Variants in RALY observed in about 807,000 individuals in gnomAD.
RALY encodes the protein RNA-binding protein Raly.
RALY carries 15 observed loss-of-function variants against 30.7 expected under a neutral mutation model. The ratio of observed to expected loss-of-function variants is 0.49; its 90% CI spans 0.33 to 0.75. RALY has a LOEUF of 0.75. Ranked by LOEUF, RALY falls within the 30% of genes least tolerant of loss-of-function variation. The probability of loss-of-function intolerance (pLI) is 0.02; values close to 1 mark genes in which losing one functional copy is unlikely to be tolerated. For synonymous variants in RALY, 177 were observed against 170.8 expected (o/e 1.04, Z -0.28); for missense variants, 339 against 414.3 (o/e 0.82, Z 1.58).
At chr20:34,040,074 G>A (rs1197711672) in intron 2 of RALY, among the ~76,000 whole-genome samples, 1 of 151,586 alleles carries the variant, frequency 6.6e-6, no homozygotes, top group Non-Finnish European at 1.5e-5. Flanking sequence ...TCCCACCACT[G>A]CACTCCAGCC....
chr20:34,004,593 CCT>C (rs1278573354), intron 1 of RALY, among the ~76,000 whole-genome samples: 1 of 152,142 alleles, frequency 6.6e-6, no homozygotes, highest in South Asian at 2.1e-4. Flanking sequence ...ATGGGTGATA[CCT>C]TCTCATAGCC....
chr20:34,076,783 A>T lies in RALY; in HGVS notation c.626A>T (p.Glu209Val). 6.2e-7 allele frequency: 1 copy of T among 1,614,144 alleles called. No homozygotes were observed. The highest frequency in any genetic ancestry group is 8.5e-7 in the Non-Finnish European group (1 of 1,180,030). ...ATCGATGCCCTGCTGAGCCGCTTGGAGCAGATCGCTGCGGAGCAAAAGGCC... is the reference window on the plus strand; with the variant it reads ...ATCGATGCCCTGCTGAGCCGCTTGGTGCAGATCGCTGCGGAGCAAAAGGCC... ...SNIDALLSRL[E>V]QIAAEQKANP... Residue 209 changes from glutamate to valine, a missense_variant, in exon 7 of 10, where the codon GAG becomes GTG. Transcript: ENST00000246194.
At chr20:34,016,241 T>G (rs1391370858) in intron 1 of RALY, among the ~76,000 whole-genome samples, 1 of 152,232 alleles carries the variant, frequency 6.6e-6, no homozygotes, top group Non-Finnish European at 1.5e-5. Context: ...TCAGACTAGT[T>G]TTGAAAGGAA....
chr20:33,994,594 G>C (rs2030505957), intron 1 of RALY, among the ~76,000 whole-genome samples: 1 of 152,244 alleles, frequency 6.6e-6, no homozygotes. Flanking sequence ...CCGGAGGCGC[G>C]CAGAGCTTGT....
intron 2 of RALY, among the ~76,000 whole-genome samples, chr20:34,069,223 C>G (rs890762419): frequency 6.6e-6 from 1 of 152,276 alleles, no homozygotes; most frequent in African/African-American, 2.4e-5. Flanking sequence ...TAAAGAGGTG[C>G]AAGCCAGTGT....
intron 1 of RALY, among the ~76,000 whole-genome samples, chr20:34,007,617 C>T (rs928255264): frequency 2.6e-5 from 4 of 151,074 alleles, no homozygotes; most frequent in African/African-American, 2.4e-5. Flanking sequence ...GTCAGGAGTT[C>T]GAGACCAGCC....
At chr20:34,070,007 C>T (rs2033682273) in intron 2 of RALY, among the ~76,000 whole-genome samples, 1 of 152,180 alleles carries the variant, frequency 6.6e-6, no homozygotes, top group South Asian at 2.1e-4. Flanking sequence ...CCTATGATTC[C>T]CTTGTAAACA....
intron 2 of RALY, among the ~76,000 whole-genome samples, chr20:34,055,860 G>T (rs187281181): frequency 1.3e-5 from 2 of 152,184 alleles, no homozygotes; most frequent in East Asian, 3.9e-4. Flanking sequence ...TGGATCCATG[G>T]GCACTATTGG....
At chr20:34,065,073 A>T (rs2033530403) in intron 2 of RALY, 1 of 152,232 alleles carries the variant, frequency 6.6e-6, no homozygotes, top group African/African-American at 2.4e-5. Context: ...CTTGAAAAGC[A>T]AGTAGAGCAG....
Position 34,027,571 on chromosome 20 carries a change from A to C in RALY, c.-92-3951A>C, listed in dbSNP as rs544703306. On this transcript the variant is annotated intron_variant, in intron 1 of 9. Coordinates refer to ENST00000246194, the MANE Select transcript of RALY (RefSeq NM_016732.3). ...TTCTTTGAACTGTTAGATCCTGCCT[A>C]TTATTAGTAATTTTTTGTGGGACAT... Among the ~76,000 whole-genome samples the C allele has an allele frequency of 6.6e-5, 10 of 152,280 alleles. No individual in the cohort carries two copies. In the South Asian group the frequency reaches 2.1e-3, roughly 32 times the overall value.
chr20:34,005,294 G>C (rs1489936033), intron 1 of RALY, among the ~76,000 whole-genome samples: 1 of 152,086 alleles, frequency 6.6e-6, no homozygotes. Flanking sequence ...GGCAGATCAT[G>C]AGGTCAGGAG....
Position 34,077,113 on chromosome 20 carries a change from T to C in RALY, c.744T>C (p.Gly248=), listed in dbSNP as rs747566753. Residue 248 remains glycine (G), a synonymous_variant, in exon 8 of 10, where the codon GGT becomes GGC. Coordinates refer to ENST00000246194, the MANE Select transcript of RALY (RefSeq NM_016732.3). ...GSGGGGSGGG[G]GGGSSRPPAP... The stretch of plus-strand genomic sequence containing the variant: ...GTGGCGGTGGCAGTGGTGGTGGCGG[T>C]GGCGGTGGCAGCAGCCGGCCACCAG... The C allele has an allele frequency of 2.4e-5, 39 of 1,600,100 alleles. No homozygotes were observed. Among genetic ancestry groups the C allele is most frequent in the Non-Finnish European group, 3.2e-5 (38 of 1,172,954 alleles).
intron 2 of RALY, among the ~76,000 whole-genome samples, chr20:34,063,914 CAG>C (rs2033490924): frequency 6.6e-6 from 1 of 152,040 alleles, no homozygotes; most frequent in Non-Finnish European, 1.5e-5. Context: ...TAGACCATCT[CAG>C]GGCACGTGTG....
chr20:34,060,884 T>C (rs2033396897), intron 2 of RALY, among the ~76,000 whole-genome samples: 1 of 152,172 alleles, frequency 6.6e-6, no homozygotes, highest in Non-Finnish European at 1.5e-5. Flanking sequence ...ACATGGAAGA[T>C]TGAAGGTGCA....
intron 1 of RALY, among the ~76,000 whole-genome samples, chr20:34,026,374 T>TTTTTTTTATTTA (rs1555802919): frequency 7.0e-6 from 1 of 142,372 alleles, no homozygotes; most frequent in Non-Finnish European, 1.5e-5. Flanking sequence ...ACCTCAGACA[T>TTTTTTTTATTTA]TTTATTTATT....
chr20:34,049,237 G>A (rs1310189669), intron 2 of RALY: 1 of 154,224 alleles, frequency 6.5e-6, no homozygotes, highest in African/African-American at 2.4e-5. Flanking sequence ...AAGGCAAGCC[G>A]AGTCTATGAG....
chr20:34,051,768 T>TTTG (rs915544361), intron 2 of RALY, among the ~76,000 whole-genome samples: 6 of 151,978 alleles, frequency 3.9e-5, no homozygotes, highest in South Asian at 2.1e-4. Flanking sequence ...GCTAATTTTT[T>TTTG]TTGTTGTTGT....
At chr20:33,999,123 CAAAA>C (rs1039542148) in intron 1 of RALY, among the ~76,000 whole-genome samples, 3 of 54,140 alleles carry the variant, frequency 5.5e-5, no homozygotes, top group African/African-American at 1.2e-4. Flanking sequence ...GACTCCATCT[CAAAA>C]AAAAAAAAAA....
chr20:34,024,804 T>C (rs1198002950), intron 1 of RALY, among the ~76,000 whole-genome samples: 1 of 152,178 alleles, frequency 6.6e-6, no homozygotes. Flanking sequence ...CCAGTAGTTT[T>C]ATTATGCCTG....
Sources: allele counts gnomAD v4.1 joint callset (sites outside exome capture counted in the v4.1 genomes callset), GRCh38; gene constraint gnomAD v4.1.1; transcripts MANE v1.5; gene names NCBI Gene and HGNC (gene_info 2026-07-23, HGNC 2026-07-21).